The following NPAS2 variants were observed in gnomAD, a reference collection of about 807,000 sequenced individuals.
NPAS2 encodes neuronal PAS domain protein 2.
A neutral mutation model predicts 107.5 loss-of-function variants in NPAS2; 23 were observed. The observed-to-expected ratio is 0.21, with a 90% CI of 0.15 to 0.30. NPAS2 has a LOEUF of 0.30. Among genes scored for constraint, NPAS2 ranks in the 10% least tolerant of loss-of-function variants. NPAS2 has a pLI of 1.00. For synonymous variants in NPAS2, 403 were observed against 417.5 expected (o/e 0.97, Z 0.42); for missense variants, 756 against 1,043.3 (o/e 0.72, Z 3.79).
At chr2:100,900,585 G>A (rs187638097) in intron 1 of NPAS2, among the ~76,000 whole-genome samples, 9 of 152,278 alleles carry the variant, frequency 5.9e-5, no homozygotes, top group South Asian at 4.1e-4. Context: ...CAAGAGGAAC[G>A]AGTGCTTATT....
Position 100,990,411 on chromosome 2 carries a change from G to A in NPAS2, c.1983G>A (p.Gln661=), listed in dbSNP as rs755152575. Residue 661 remains glutamine, a synonymous_variant, in exon 18 of 21, where the codon CAG becomes CAA. Coordinates refer to ENST00000335681, the MANE Select transcript of NPAS2 (RefSeq NM_002518.4). ...CCTCCCAGGATGCCAGCCAGTGCCA[G>A]CCCAGCCCAGACTTCAGCCATGATC... ...ASTSQDASQC[Q]PSPDFSHDRQ... 1.2e-6 allele frequency: 2 copies of A among 1,614,206 alleles called. No homozygotes were observed. The highest frequency in any genetic ancestry group is 1.7e-5 in the Admixed American group (1 of 60,028).
intron 18 of NPAS2, 32 bp from the exon 19 acceptor site, chr2:100,990,748 T>A: frequency 6.3e-7 from 1 of 1,587,120 alleles, no homozygotes; most frequent in Non-Finnish European, 8.7e-7. Flanking sequence ...CAGGTGCTGA[T>A]CAGTTTCCTA....
chr2:100,884,970 A>G (rs1315185433), intron 1 of NPAS2, among the ~76,000 whole-genome samples: 1 of 149,360 alleles, frequency 6.7e-6, no homozygotes, highest in Non-Finnish European at 1.5e-5. Flanking sequence ...TTTTTTTGAG[A>G]CGGAGTCTCA....
At chr2:100,925,861 A>C (rs1026456480) in intron 3 of NPAS2, among the ~76,000 whole-genome samples, 1 of 152,224 alleles carries the variant, frequency 6.6e-6, no homozygotes, top group African/African-American at 2.4e-5. Context: ...CAGTATATTC[A>C]CAAGGTGGTG....
At position 100,975,543 on chromosome 2, in the gene NPAS2, G is replaced by A. The variant is rs148157211; in HGVS notation, c.1368G>A (p.Gly456=). 5.0e-6 allele frequency: 8 copies of A among 1,611,912 alleles called. No homozygotes were observed. Among genetic ancestry groups the A allele is most frequent in the African/African-American group, 2.7e-5 (2 of 74,856 alleles). Residue 456 remains glycine (G), a synonymous_variant, in exon 14 of 21, where the codon GGG becomes GGA. Coordinates refer to ENST00000335681, the MANE Select transcript of NPAS2 (RefSeq NM_002518.4). ...TGCCCCAAGAGTTACCTGTCCCCGGGCTCAGCCAGGCAGCCACCATGCCGG... is the reference window on the plus strand; with the variant it reads ...TGCCCCAAGAGTTACCTGTCCCCGGACTCAGCCAGGCAGCCACCATGCCGG... ...ATLPQELPVP[G]LSQAATMPAP... is the part of the protein sequence containing the mutation.
At chr2:100,831,306 T>A (rs1407193824) in intron 1 of NPAS2, among the ~76,000 whole-genome samples, 1 of 151,910 alleles carries the variant, frequency 6.6e-6, no homozygotes, top group East Asian at 1.9e-4. Context: ...AAAAAATAAA[T>A]AAATAAAAAT....
At chr2:100,826,294 T>C (rs1205643002) in intron 1 of NPAS2, among the ~76,000 whole-genome samples, 2 of 151,996 alleles carry the variant, frequency 1.3e-5, no homozygotes, top group Non-Finnish European at 1.5e-5. Flanking sequence ...ATATAAAAAT[T>C]AGCTGGGCAT....
intron 19 of NPAS2, among the ~76,000 whole-genome samples, chr2:100,991,314 C>T (rs1678118586): frequency 6.6e-6 from 1 of 152,214 alleles, no homozygotes; most frequent in Non-Finnish European, 1.5e-5. Context: ...CCTTCCCCAG[C>T]CTCCTCTCCA....
intron 16 of NPAS2, chr2:100,987,518 G>GC (rs1225269055): frequency 6.5e-6 from 1 of 152,704 alleles, no homozygotes; most frequent in African/African-American, 2.4e-5. Flanking sequence ...TGACAGATCT[G>GC]CCATCTCAGC....
chr2:100,889,877 T>G (rs1284575153), intron 1 of NPAS2, among the ~76,000 whole-genome samples: 1 of 151,992 alleles, frequency 6.6e-6, no homozygotes, highest in Non-Finnish European at 1.5e-5. Flanking sequence ...AATGCCATTT[T>G]CCGTATGAAT....
intron 1 of NPAS2, among the ~76,000 whole-genome samples, chr2:100,858,340 T>C (rs1464354673): frequency 6.6e-6 from 1 of 152,236 alleles, no homozygotes; most frequent in Non-Finnish European, 1.5e-5. Flanking sequence ...TCGAGTCTCT[T>C]GCCCTTGTCT....
intron 1 of NPAS2, among the ~76,000 whole-genome samples, chr2:100,896,190 G>A (rs1238056022): frequency 6.6e-6 from 1 of 152,206 alleles, no homozygotes; most frequent in African/African-American, 2.4e-5. Context: ...TGCCTGGTGG[G>A]TGTTAGCTGC....
intron 1 of NPAS2, among the ~76,000 whole-genome samples, chr2:100,850,722 G>T (rs552426018): frequency 2.8e-4 from 43 of 152,190 alleles, no homozygotes; most frequent in African/African-American, 9.4e-4. Flanking sequence ...GGAGGCCGAG[G>T]TGGGAGGATC....
chr2:100,910,521 T>C (rs1418510665), intron 2 of NPAS2, among the ~76,000 whole-genome samples: 3 of 121,590 alleles, frequency 2.5e-5, no homozygotes, highest in African/African-American at 8.2e-5. Flanking sequence ...AGATGACATC[T>C]TCTTTTTTTT....
chr2:100,826,948 G>A lies in NPAS2; in HGVS notation c.-23+6534G>A, dbSNP rs1676426528. On this transcript the variant is annotated intron_variant, in intron 1 of 20. Transcript: ENST00000335681. ...TCTGATTGTTTTGACGTGAACATAA[G>A]CATTTTTCCATGACATAAACAATTT... Among the ~76,000 whole-genome samples the A allele has an allele frequency of 2.0e-5, 3 of 152,286 alleles. No homozygotes were observed. In the South Asian group the frequency reaches 6.2e-4, roughly 32 times the overall value.
intron 2 of NPAS2, among the ~76,000 whole-genome samples, chr2:100,906,652 G>A (rs1473510855): frequency 1.3e-5 from 2 of 152,128 alleles, no homozygotes; most frequent in East Asian, 1.9e-4. Context: ...GTGTAGTGGC[G>A]CGATCTTGGC....
At chr2:100,853,738 G>C (rs902444606) in intron 1 of NPAS2, among the ~76,000 whole-genome samples, 1 of 152,130 alleles carries the variant, frequency 6.6e-6, no homozygotes, top group African/African-American at 2.4e-5. Context: ...ACAAAGGGGA[G>C]CCCCAGGGGC....
At chr2:100,834,976 A>C (rs1173066598) in intron 1 of NPAS2, among the ~76,000 whole-genome samples, 1 of 152,166 alleles carries the variant, frequency 6.6e-6, no homozygotes, top group Non-Finnish European at 1.5e-5. Flanking sequence ...TGGCCTCCCA[A>C]AGTGCTGGGA....
chr2:100,899,451 G>T (rs551709240), intron 1 of NPAS2, among the ~76,000 whole-genome samples: 1 of 152,180 alleles, frequency 6.6e-6, no homozygotes, highest in Non-Finnish European at 1.5e-5. Context: ...TCGAACTCCT[G>T]ACCTCAGCTG....
Sources: allele counts gnomAD v4.1 joint callset (sites outside exome capture counted in the v4.1 genomes callset), GRCh38; gene constraint gnomAD v4.1.1; transcripts MANE v1.5; gene names NCBI Gene and HGNC (gene_info 2026-07-23, HGNC 2026-07-21).